Variants in STARD3 observed in about 807,000 individuals in gnomAD.
STARD3 encodes StAR related lipid transfer domain containing 3, also known as stAR-related lipid transfer protein 3.
STARD3 carries 39 observed loss-of-function variants against 62.0 expected under a neutral mutation model. The ratio of observed to expected loss-of-function variants is 0.63; its 90% CI spans 0.49 to 0.82. STARD3 has a LOEUF of 0.82. Ranked by LOEUF, STARD3 falls within the 40% of genes least tolerant of loss-of-function variation. The probability of loss-of-function intolerance (pLI) is 0.00; values close to 1 mark genes in which losing one functional copy is unlikely to be tolerated. For synonymous variants in STARD3, 229 were observed against 242.4 expected (o/e 0.94, Z 0.51); for missense variants, 543 against 584.5 (o/e 0.93, Z 0.73).
At chr17:39,654,278 T>G (rs1028386317) in intron 2 of STARD3, among the ~76,000 whole-genome samples, 8 of 152,200 alleles carry the variant, frequency 5.3e-5, no homozygotes, top group African/African-American at 1.9e-4. Context: ...GGTGCACACC[T>G]GTTGTCCCAG....
At chr17:39,654,254 T>C (rs772746296) in intron 2 of STARD3, among the ~76,000 whole-genome samples, 2 of 152,174 alleles carry the variant, frequency 1.3e-5, no homozygotes, top group Non-Finnish European at 2.9e-5. Context: ...AACCAGACGC[T>C]AGCCAGGTGT....
At chr17:39,650,036 A>T (rs1484623836) in intron 1 of STARD3, among the ~76,000 whole-genome samples, 1 of 152,058 alleles carries the variant, frequency 6.6e-6, no homozygotes, top group Non-Finnish European at 1.5e-5. Flanking sequence ...CTTCAAGAAC[A>T]CCCCATCTCT....
intron 2 of STARD3, 110 bp downstream of exon 2, chr17:39,653,860 G>C: frequency 8.2e-7 from 1 of 1,222,050 alleles, no homozygotes; most frequent in East Asian, 2.5e-5. Context: ...GGTTAGCTGG[G>C]TAAAATGAAG....
chr17:39,648,774 G>A (rs559322211), intron 1 of STARD3, among the ~76,000 whole-genome samples: 4 of 152,196 alleles, frequency 2.6e-5, no homozygotes, highest in East Asian at 1.9e-4. Context: ...CAACTCTCCC[G>A]GGCTCCCGCA....
chr17:39,653,825 G>A, intron 2 of STARD3, 75 bp downstream of exon 2: 1 of 1,560,206 alleles, frequency 6.4e-7, no homozygotes, highest in Non-Finnish European at 8.8e-7. Context: ...CTGCCACATG[G>A]GAGGGCTGCC....
chr17:39,653,202 G>T, intron 1 of STARD3: 1 of 416,934 alleles, frequency 2.4e-6, no homozygotes, highest in Non-Finnish European at 4.4e-6. Context: ...GGGGGTAGGT[G>T]CCCATGCAGA....
chr17:39,640,748 G>T (rs2056976344), intron 1 of STARD3, among the ~76,000 whole-genome samples: 1 of 152,216 alleles, frequency 6.6e-6, no homozygotes, highest in Non-Finnish European at 1.5e-5. Flanking sequence ...GCACAAGGGG[G>T]AAGGGAGGGC....
rs1218342852 is a variant in STARD3, at chr17:39,663,894, A to C, written c.*986A>C. On this transcript the variant is annotated 3_prime_UTR_variant, in exon 15 of 15. Coordinates refer to ENST00000336308, the MANE Select transcript of STARD3 (RefSeq NM_006804.4). ...CCACCTGGAGCCCCGGACCTCCCAG[A>C]CTCCACTCACCCATTCCCTCTCCCC... Among the ~76,000 whole-genome samples the C allele has an allele frequency of 6.6e-6, 1 of 151,322 alleles. No homozygotes were observed. Among genetic ancestry groups the C allele is most frequent in the Non-Finnish European group, 1.5e-5 (1 of 67,800 alleles).
chr17:39,656,697 G>A (rs1235413755), intron 2 of STARD3, among the ~76,000 whole-genome samples: 1 of 152,102 alleles, frequency 6.6e-6, no homozygotes, highest in Non-Finnish European at 1.5e-5. Context: ...TGCTGGCCCT[G>A]TATAGGGCGC....
Position 39,637,804 on chromosome 17 carries a change from G to T in STARD3, c.-52+573G>T, listed in dbSNP as rs573986626. ...AATGTCTCCTGGTTTTCTTCGTACC[G>T]CTCTGACAGTCGGTCAAAGTCCCGC... On this transcript the variant is annotated intron_variant, in intron 1 of 14. Coordinates refer to ENST00000336308, the MANE Select transcript of STARD3 (RefSeq NM_006804.4). Among the ~76,000 whole-genome samples the T allele has an allele frequency of 6.6e-5, 10 of 152,208 alleles. 1 individual carries two copies. The East Asian group carries it at 1.9e-3, about 29-fold the overall frequency.
Position 39,658,831 on chromosome 17 carries a change from G to A in STARD3, c.646+11G>A. On this transcript the variant is annotated intron_variant, in intron 7 of 14. Coordinates refer to ENST00000336308, the MANE Select transcript of STARD3 (RefSeq NM_006804.4). Reference sequence around the variant, plus strand: ...CAGAATCCTTTGCAGGTGAGGGCTGGTGTGTGGGGGAACTGCTTTCAGGGA... The same window carrying A: ...CAGAATCCTTTGCAGGTGAGGGCTGATGTGTGGGGGAACTGCTTTCAGGGA... The A allele has an allele frequency of 6.2e-7, 1 of 1,613,436 alleles. No homozygotes were observed. Among genetic ancestry groups the A allele is most frequent in the Non-Finnish European group, 8.5e-7 (1 of 1,179,534 alleles).
At chr17:39,661,442 C>T (rs1287863908) in intron 13 of STARD3, 2 of 259,004 alleles carry the variant, frequency 7.7e-6, no homozygotes, top group Non-Finnish European at 1.5e-5. Context: ...TGGGTTTCAT[C>T]TTCCTGCCTA....
chr17:39,642,175 G>A (rs2056987785), intron 1 of STARD3, among the ~76,000 whole-genome samples: 1 of 152,264 alleles, frequency 6.6e-6, no homozygotes, highest in Admixed American at 6.5e-5. Flanking sequence ...GAGGCAGCGA[G>A]TGTTGACCCC....
At chr17:39,657,133 C>T (rs1027992470) in intron 3 of STARD3, 48 bp downstream of exon 3, 2 of 1,570,430 alleles carry the variant, frequency 1.3e-6, no homozygotes, top group Non-Finnish European at 1.8e-6. Context: ...AGAGAGGGAG[C>T]AGGGAAATGA....
intron 3 of STARD3, among the ~76,000 whole-genome samples, 167 bp from the exon 4 acceptor site, chr17:39,657,608 A>C (rs2057143907): frequency 6.6e-6 from 1 of 151,978 alleles, no homozygotes; most frequent in Admixed American, 6.5e-5. Flanking sequence ...CCCCTGTGCA[A>C]GGTTACATCC....
intron 1 of STARD3, among the ~76,000 whole-genome samples, chr17:39,646,869 C>T (rs2057031019): frequency 6.6e-6 from 1 of 152,154 alleles, no homozygotes; most frequent in Non-Finnish European, 1.5e-5. Context: ...CTGACTTCCC[C>T]CCTCCCCACC....
At chr17:39,640,435 G>A (rs1225553570) in intron 1 of STARD3, among the ~76,000 whole-genome samples, 4 of 152,204 alleles carry the variant, frequency 2.6e-5, no homozygotes, top group Non-Finnish European at 5.9e-5. Context: ...CTGAGGAGAG[G>A]CTAATCCTGG....
In STARD3 at chr17:39,663,992, C is replaced by T. The variant is rs1172499311; in HGVS notation, c.*1084C>T. 2.0e-5 allele frequency among the ~76,000 whole-genome samples: 3 copies of T among 152,190 alleles called. No individual in the cohort carries two copies. The highest frequency in any genetic ancestry group is 4.4e-5 in the Non-Finnish European group (3 of 68,032). On this transcript the variant is annotated 3_prime_UTR_variant, in exon 15 of 15. Transcript: ENST00000336308. The stretch of plus-strand genomic sequence containing the variant: ...GGGCCAGGCCACTGCCTGCCTTCCT[C>T]CTCCCTCCCGGCTGGCCTGCCCCCT...
chr17:39,661,164 C>A (rs1597801280), intron 13 of STARD3, 79 bp downstream of exon 13: 1 of 1,310,442 alleles, frequency 7.6e-7, no homozygotes, highest in Non-Finnish European at 1.1e-6. Context: ...ACAGCATGTA[C>A]AGCTGGGCAC....
Sources: gnomAD v4.1 joint callset for allele counts (sites outside exome capture counted in the v4.1 genomes callset) on GRCh38, gnomAD v4.1.1 for gene constraint, MANE v1.5 for transcripts, NCBI Gene and HGNC (gene_info 2026-07-23, HGNC 2026-07-21) for gene names.